The following DKK3 variants were observed in gnomAD, a reference collection of about 807,000 sequenced individuals.
DKK3 encodes dickkopf-related protein 3.
Under a neutral mutation model 33.2 loss-of-function variants are expected in DKK3, and 22 were observed. The ratio of observed to expected loss-of-function variants is 0.66; its 90% CI spans 0.47 to 0.95. The LOEUF (loss-of-function observed/expected upper bound fraction) is 0.95, where lower values mean the gene tolerates loss of function less well. Ranked by LOEUF, DKK3 falls within the 40% of genes least tolerant of loss-of-function variation. The pLI, the probability that DKK3 is intolerant of heterozygous loss-of-function variation, is 0.00. For synonymous variants in DKK3, 194 were observed against 188.8 expected, an observed-to-expected ratio of 1.03 and a Z score of -0.23; for missense variants, 398 against 458.4, an observed-to-expected ratio of 0.87 and a Z score of 1.20.
chr11:11,986,186 T>G (rs1359628139), intron 3 of DKK3, among the ~76,000 whole-genome samples: 1 of 152,148 alleles, frequency 6.6e-6, no homozygotes, highest in African/African-American at 2.4e-5. Context: ...TAGCCACTAC[T>G]CTTTTGTTCC....
chr11:11,968,547 G>C, intron 3 of DKK3, 60 bp from the exon 4 acceptor site: 1 of 1,526,030 alleles, frequency 6.6e-7, no homozygotes, highest in South Asian at 1.2e-5. Flanking sequence ...GGCCCACAGT[G>C]CCCAGGAAGG....
Position 11,967,048 on chromosome 11 carries a change from A to C in DKK3, c.579T>G (p.Gly193=), listed in dbSNP as rs1847614029. 1.2e-5 allele frequency: 19 copies of C among 1,613,836 alleles called. No homozygotes were observed. The highest frequency in any genetic ancestry group is 1.5e-5 in the Non-Finnish European group (18 of 1,179,984). ...CCCTGGTGGCCATTTTGGTGCAGTGACCCCAGACACACAGCTGGTCTCCAC... is the reference window on the plus strand; with the variant it reads ...CCCTGGTGGCCATTTTGGTGCAGTGCCCCCAGACACACAGCTGGTCTCCAC... ...ECCGDQLCVW[G]HCTKMATRGS... is the part of the protein sequence containing the mutation. The change falls in exon 5 of 7, where the codon GGT becomes GGG. Residue 193 remains glycine, a synonymous_variant. Transcript: ENST00000683431.
In DKK3 at chr11:12,003,849, G is replaced by T. The variant is rs1224570218; in HGVS notation, c.214-1412C>A. ...CCCTGCTTTAACCACCAGGTTTGCT[G>T]AGCTGAGGAGGATAAGAGGAAAGAA... On this transcript the variant is annotated intron_variant, in intron 1 of 6. Transcript: ENST00000683431. 2.0e-5 allele frequency among the ~76,000 whole-genome samples: 3 copies of T among 151,994 alleles called. No individual in the cohort carries two copies. In the East Asian group the frequency reaches 5.8e-4, roughly 29 times the overall value.
chr11:11,975,097 CAGAACCGTGACAGAAT>C (rs1847803832), intron 3 of DKK3, among the ~76,000 whole-genome samples: 1 of 152,196 alleles, frequency 6.6e-6, no homozygotes, highest in South Asian at 2.1e-4. Flanking sequence ...TTCCAGCCTC[CAGAACCGTGACAGAAT>C]AGATTCCTGT....
At position 11,964,528 on chromosome 11, in the gene DKK3, T is replaced by A; in HGVS notation, c.989A>T (p.Glu330Val). The change falls in exon 7 of 7, where the codon GAA becomes GTA. Residue 330 changes from glutamate (E) to valine (V), a missense_variant. Glu to Val is a moderately radical substitution (Grantham distance 121). Coordinates refer to ENST00000683431, the MANE Select transcript of DKK3 (RefSeq NM_001018057.2). ...ELEDLERSLT[E>V]EMALREPAAA... ...CGCAGGCTCCCTCAGCGCCATCTCT[T>A]CAGTCAGGCTCCTCTCCAGGTCCTC... The A allele has an allele frequency of 6.2e-7, 1 of 1,614,060 alleles. No homozygotes were observed. The highest frequency in any genetic ancestry group is 1.7e-5 in the Admixed American group (1 of 60,026).
At chr11:12,006,676 C>A (rs1371868557) in intron 1 of DKK3, among the ~76,000 whole-genome samples, 1 of 152,194 alleles carries the variant, frequency 6.6e-6, no homozygotes, top group Non-Finnish European at 1.5e-5. Context: ...ATGGAGAAGA[C>A]CCCGTCACTA....
intron 1 of DKK3, among the ~76,000 whole-genome samples, chr11:12,006,823 T>C (rs1417831034): frequency 6.6e-6 from 1 of 152,058 alleles, no homozygotes; most frequent in Non-Finnish European, 1.5e-5. Context: ...CACAAAAACA[T>C]AGAGGTGACT....
intron 3 of DKK3, among the ~76,000 whole-genome samples, chr11:11,974,620 C>T (rs904375027): frequency 1.3e-5 from 2 of 152,178 alleles, no homozygotes; most frequent in African/African-American, 4.8e-5. Context: ...CTAAATACCC[C>T]TTAAAGGTCT....
At position 12,002,475 on chromosome 11, in the gene DKK3, C is replaced by T. The variant is rs781473368; in HGVS notation, c.214-38G>A. On this transcript the variant is annotated intron_variant, in intron 1 of 6. Coordinates refer to ENST00000683431, the MANE Select transcript of DKK3 (RefSeq NM_001018057.2). Reference sequence around the variant, plus strand: ...TGAATTTAATGAGCAAAATTATTTTCTCTTGTTACAAATGGGAGTCTATTA... The same window carrying T: ...TGAATTTAATGAGCAAAATTATTTTTTCTTGTTACAAATGGGAGTCTATTA... The T allele has an allele frequency of 6.9e-6, 11 of 1,592,758 alleles. No individual in the cohort carries two copies. The Admixed American group carries it at 1.9e-4, about 27-fold the overall frequency.
intron 6 of DKK3, 85 bp from the exon 7 acceptor site, chr11:11,964,771 C>A: frequency 6.5e-7 from 1 of 1,537,816 alleles, no homozygotes; most frequent in East Asian, 2.4e-5. Context: ...CTGTGGGGCT[C>A]CCAGCCTCAC....
At chr11:11,981,195 A>T (rs1032902793) in intron 3 of DKK3, among the ~76,000 whole-genome samples, 2 of 152,100 alleles carry the variant, frequency 1.3e-5, no homozygotes, top group Non-Finnish European at 2.9e-5. Flanking sequence ...CATAGCTTCC[A>T]TTTGGCTCTT....
chr11:11,995,614 C>A (rs2035933), intron 3 of DKK3, among the ~76,000 whole-genome samples: 1 of 152,124 alleles, frequency 6.6e-6, no homozygotes, highest in Non-Finnish European at 1.5e-5. Context: ...GGGCCAGACT[C>A]TTCCTATGTG....
chr11:11,964,719 A>G, intron 6 of DKK3, 33 bp from the exon 7 acceptor site: 1 of 1,597,794 alleles, frequency 6.3e-7, no homozygotes, highest in Non-Finnish European at 8.5e-7. Context: ...CAGGCTCTAA[A>G]CGTGGGAGCC....
At chr11:11,965,182 T>C (rs933020073) in intron 6 of DKK3, among the ~76,000 whole-genome samples, 1 of 152,238 alleles carries the variant, frequency 6.6e-6, no homozygotes, top group East Asian at 1.9e-4. Context: ...TCTTGAACTC[T>C]TGGCCTCAAG....
intron 6 of DKK3, among the ~76,000 whole-genome samples, chr11:11,965,116 TA>T (rs1297231655): frequency 6.6e-6 from 1 of 152,046 alleles, no homozygotes; most frequent in East Asian, 1.9e-4. Context: ...TTCCTTTTTT[TA>T]AAAAAAATTA....
At chr11:11,970,099 C>T (rs772437144) in intron 3 of DKK3, among the ~76,000 whole-genome samples, 1 of 152,100 alleles carries the variant, frequency 6.6e-6, no homozygotes, top group East Asian at 1.9e-4. Flanking sequence ...AGCCTCCCGA[C>T]GTTCTTTCCA....
chr11:12,006,799 T>C (rs1006845611), intron 1 of DKK3, among the ~76,000 whole-genome samples: 1 of 152,216 alleles, frequency 6.6e-6, no homozygotes, highest in Non-Finnish European at 1.5e-5. Flanking sequence ...GCAGACTTTC[T>C]GAACAGTGGT....
chr11:11,991,779 G>A (rs1333605391), intron 3 of DKK3, among the ~76,000 whole-genome samples: 11 of 152,090 alleles, frequency 7.2e-5, no homozygotes. Flanking sequence ...AATTACCCAG[G>A]CTTGTGTACT....
At chr11:11,997,461 T>C (rs973322183) in intron 3 of DKK3, among the ~76,000 whole-genome samples, 5 of 152,226 alleles carry the variant, frequency 3.3e-5, no homozygotes, top group Non-Finnish European at 7.3e-5. Context: ...CTTTGGAAGC[T>C]GGCCTCTCTT....
Sources: gnomAD v4.1 joint callset for allele counts (sites outside exome capture counted in the v4.1 genomes callset) on GRCh38, gnomAD v4.1.1 for gene constraint, MANE v1.5 for transcripts, NCBI Gene and HGNC (gene_info 2026-07-23, HGNC 2026-07-21) for gene names.